EIF4E3: variants seen among roughly 807,000 people sequenced by gnomAD.
EIF4E3 encodes the protein eukaryotic translation initiation factor 4E family member 3.
EIF4E3 carries 26 observed loss-of-function variants against 31.7 expected under a neutral mutation model. The observed-to-expected ratio is 0.82, with a 90% confidence interval of 0.60 to 1.14. The LOEUF (loss-of-function observed/expected upper bound fraction) is 1.14, where lower values mean the gene tolerates loss of function less well. EIF4E3 is among the 50% of genes most tolerant of loss of function. The pLI, the probability that EIF4E3 is intolerant of heterozygous loss-of-function variation, is 0.00. For missense variants in EIF4E3, 304 were observed against 270.9 expected (o/e 1.12, Z -0.86); for synonymous variants, 128 against 107.7 (o/e 1.19, Z -1.17).
Position 71,699,646 on chromosome 3 carries a change from A to G in EIF4E3, c.312T>C (p.Tyr104=), listed in dbSNP as rs201139826. 2.4e-4 allele frequency: 388 copies of G among 1,613,866 alleles called. 4 individuals are homozygous for G. In the South Asian group the frequency reaches 3.6e-3, roughly 15 times the overall value. ...PVTSLPLRCS[Y]HLMRGERRPL... is the part of the protein sequence containing the mutation. ...GTCGCCTCTCTCCTCTCATTAAATGATAACTACATCTCAAAGGCAGGCTAG... is the reference window on the plus strand; with the variant it reads ...GTCGCCTCTCTCCTCTCATTAAATGGTAACTACATCTCAAAGGCAGGCTAG... The change falls in exon 3 of 7, where the codon TAT becomes TAC. Residue 104 remains tyrosine (Y), a synonymous_variant. Coordinates refer to ENST00000425534, the MANE Select transcript of EIF4E3 (RefSeq NM_001134651.2).
chr3:71,684,867 T>G, intron 6 of EIF4E3, 139 bp from the exon 7 acceptor site: 2 of 802,162 alleles, frequency 2.5e-6, no homozygotes, highest in Non-Finnish European at 3.8e-6. Flanking sequence ...ATTTATTTAT[T>G]TTTTTGCCAG....
At chr3:71,746,683 T>C (rs1383980012) in intron 1 of EIF4E3, among the ~76,000 whole-genome samples, 1 of 152,194 alleles carries the variant, frequency 6.6e-6, no homozygotes, top group Non-Finnish European at 1.5e-5. Context: ...GATAATTCTG[T>C]TTTCTTATGA....
chr3:71,670,784 A>G (rs977176838), downstream of EIF4E3, among the ~76,000 whole-genome samples: 6 of 152,176 alleles, frequency 3.9e-5, no homozygotes, highest in African/African-American at 1.4e-4. Flanking sequence ...ATAGCACGAA[A>G]AGAGCCTTCG....
rs1219416921 is a variant in EIF4E3 at position 71,696,490 on chromosome 3, T to G, written c.375A>C (p.Val125=). Residue 125 remains valine (V), a synonymous_variant, in exon 4 of 7, where the codon GTA becomes GTC. Coordinates refer to ENST00000425534, the MANE Select transcript of EIF4E3 (RefSeq NM_001134651.2). The part of the protein sequence containing the change: ...WEEESNAKGG[V]WKMKVPKDST... Reference sequence around the variant, plus strand: ...TGTCCTTGGGGACTTTCATCTTCCATACGCCACCCTTTGCATTACTCTCCT... The same window carrying G: ...TGTCCTTGGGGACTTTCATCTTCCAGACGCCACCCTTTGCATTACTCTCCT... The G allele has an allele frequency of 6.2e-7, 1 of 1,614,036 alleles. No individual in the cohort carries two copies. Among genetic ancestry groups the G allele is most frequent in the South Asian group, 1.1e-5 (1 of 91,080 alleles).
chr3:71,668,919 C>T, the EIF4E3 span, among the ~76,000 whole-genome samples: 1 of 152,294 alleles, frequency 6.6e-6, no homozygotes, highest in East Asian at 1.9e-4. Context: ...GATTATAAAT[C>T]ATTCTACTAT....
At chr3:71,735,338 G>A (rs961801547) in intron 1 of EIF4E3, among the ~76,000 whole-genome samples, 3 of 152,106 alleles carry the variant, frequency 2.0e-5, no homozygotes, top group South Asian at 2.1e-4. Context: ...GACATAAAAC[G>A]AAAATGAATC....
At position 71,678,188 on chromosome 3, in the gene EIF4E3, T is replaced by C. The variant is rs751528916; in HGVS notation, c.*6494A>G. 1 of 152,244 alleles carries C rather than the reference T, an allele frequency of 6.6e-6. No homozygotes were observed. Among genetic ancestry groups the C allele is most frequent in the African/African-American group, 2.4e-5 (1 of 41,468 alleles). The allele number at this position is 152,244 out of a possible 1,614,324, so 9.4% of individuals were successfully genotyped here. A position where few individuals can be genotyped will look rare whatever the true frequency, so the allele number is the denominator to read the frequency against. ...TGGAAATCTAATAATGATTAAGTGATGTGGTTGATTAAACTGCATGAAATT... is the reference window on the plus strand; with the variant it reads ...TGGAAATCTAATAATGATTAAGTGACGTGGTTGATTAAACTGCATGAAATT... On this transcript the variant is annotated 3_prime_UTR_variant, in exon 7 of 7. Coordinates refer to ENST00000425534, the MANE Select transcript of EIF4E3 (RefSeq NM_001134651.2).
intron 1 of EIF4E3, among the ~76,000 whole-genome samples, chr3:71,717,329 T>C (rs1309827251): frequency 6.6e-6 from 1 of 152,168 alleles, no homozygotes; most frequent in Non-Finnish European, 1.5e-5. Context: ...GAAAGTAAAA[T>C]CTAATGAACT....
chr3:71,698,092 T>C (rs925211904), intron 3 of EIF4E3, among the ~76,000 whole-genome samples: 1 of 152,256 alleles, frequency 6.6e-6, no homozygotes, highest in African/African-American at 2.4e-5. Flanking sequence ...ACCTGTCTTT[T>C]GGATAAAAGC....
intron 6 of EIF4E3, among the ~76,000 whole-genome samples, chr3:71,686,276 C>A (rs1328389676): frequency 6.6e-6 from 1 of 152,194 alleles, no homozygotes; most frequent in Admixed American, 6.5e-5. Context: ...AGGCATGAAC[C>A]ACTGTACCTG....
Position 71,693,911 on chromosome 3 carries a change from T to C in EIF4E3, c.436A>G (p.Thr146Ala), listed in dbSNP as rs770093039. The change falls in exon 5 of 7, where the codon ACC (threonine) becomes GCC (alanine). Residue 146 changes from threonine to alanine, a missense_variant. Coordinates refer to ENST00000425534, the MANE Select transcript of EIF4E3 (RefSeq NM_001134651.2). The stretch of plus-strand genomic sequence containing the variant: ...CAGTCTGTGAACTGTTCCCCGATGG[T>C]TGCTAACAGCAACTCTTTCCAAACT... ...STVWKELLLA[T>A]IGEQFTDCAA... is the part of the protein sequence containing the mutation. 9 of 1,586,354 alleles carry C rather than the reference T, an allele frequency of 5.7e-6. No individual in the cohort carries two copies. Among genetic ancestry groups the C allele is most frequent in the Non-Finnish European group, 7.7e-6 (9 of 1,166,064 alleles).
At chr3:71,738,484 C>T (rs1343474959) in intron 1 of EIF4E3, among the ~76,000 whole-genome samples, 3 of 152,094 alleles carry the variant, frequency 2.0e-5, no homozygotes, top group Non-Finnish European at 4.4e-5. Context: ...TATCATGTAA[C>T]AATAACCCCA....
Position 71,693,918 on chromosome 3 carries a change from C to T in EIF4E3, c.429G>A (p.Leu143=). Residue 143 remains leucine (L), a synonymous_variant, in exon 5 of 7, where the codon CTG becomes CTA. Transcript: ENST00000425534. ...TGAACTGTTCCCCGATGGTTGCTAA[C>T]AGCAACTCTTTCCAAACTGTGGACT... is the stretch of plus-strand genomic sequence containing the variant. ...DSTSTVWKEL[L]LATIGEQFTD... 1 of 1,585,996 alleles carries T rather than the reference C, an allele frequency of 6.3e-7. No homozygotes were observed. Among genetic ancestry groups the T allele is most frequent in the Non-Finnish European group, 8.6e-7 (1 of 1,165,800 alleles).
At chr3:71,725,474 C>T (rs2049624030), upstream of EIF4E3, 2 of 657,578 alleles carry the variant, frequency 3.0e-6, no homozygotes, top group Non-Finnish European at 3.7e-6. This position sits in a 1 kb window ranked among gnomAD's most constrained non-coding sequence, Gnocchi z 6.1. Flanking sequence ...CCCGCCCCGC[C>T]CCGGGCTAGC....
rs2049135627 is a variant in EIF4E3 at position 71,696,362 on chromosome 3, C to A, written c.405+98G>T. 8 of 1,331,970 alleles carry A rather than the reference C, an allele frequency of 6.0e-6. No homozygotes were observed. The South Asian group carries it at 9.9e-5, about 16-fold the overall frequency. The allele number at this position is 1,331,970 out of a possible 1,614,324, so 82.5% of individuals were successfully genotyped here. On this transcript the variant is annotated intron_variant, in intron 4 of 6. Coordinates refer to ENST00000425534, the MANE Select transcript of EIF4E3 (RefSeq NM_001134651.2). ...CACCCCCAGCCTGTTTGGGGACTGCCAGGTAAATAGGCTATCTGCAAAGCA... is the reference window on the plus strand; with the variant it reads ...CACCCCCAGCCTGTTTGGGGACTGCAAGGTAAATAGGCTATCTGCAAAGCA...
chr3:71,693,982 C>G (rs1299569338), intron 4 of EIF4E3, 41 bp from the exon 5 acceptor site: 3 of 1,504,378 alleles, frequency 2.0e-6, no homozygotes, highest in Non-Finnish European at 1.8e-6. Context: ...AAACAAAATA[C>G]AGATATTTTT....
Position 71,676,255 on chromosome 3 carries a change from C to T in EIF4E3, c.*8427G>A, listed in dbSNP as rs914528913. On this transcript the variant is annotated 3_prime_UTR_variant, in exon 7 of 7. Coordinates refer to ENST00000425534, the MANE Select transcript of EIF4E3 (RefSeq NM_001134651.2). ...ATTCTATATGTAAAATGATGTTTAT[C>T]ACCTGTGATAAAACCAGAGAGAAAT... is the stretch of plus-strand genomic sequence containing the variant. The T allele has an allele frequency of 6.6e-6, 1 of 152,156 alleles. No individual in the cohort carries two copies. The highest frequency in any genetic ancestry group is 2.4e-5 in the African/African-American group (1 of 41,426). The allele number at this position is 152,156 out of a possible 1,614,324, so 9.4% of individuals were successfully genotyped here.
chr3:71,706,724 G>A (rs915700733), intron 2 of EIF4E3, among the ~76,000 whole-genome samples: 3 of 152,166 alleles, frequency 2.0e-5, no homozygotes, highest in African/African-American at 7.2e-5. Context: ...GGAGGAGGCT[G>A]GGGTGGGAGG....
At chr3:71,727,237 C>T (rs1484135697), upstream of EIF4E3, among the ~76,000 whole-genome samples, 2 of 152,248 alleles carry the variant, frequency 1.3e-5, no homozygotes, top group African/African-American at 4.8e-5. Context: ...GAGGAAACCA[C>T]TGGCAACAGT....
Sources: allele counts gnomAD v4.1 joint callset (sites outside exome capture counted in the v4.1 genomes callset), GRCh38; gene constraint gnomAD v4.1.1; non-coding constraint Gnocchi (gnomAD v3.1); transcripts MANE v1.5; gene names NCBI Gene and HGNC (gene_info 2026-07-23, HGNC 2026-07-21).